MECR: variants seen among roughly 807,000 people sequenced by gnomAD.
MECR encodes mitochondrial trans-2-enoyl-CoA reductase.
A neutral mutation model predicts 49.1 loss-of-function variants in MECR; 37 were observed. That is an observed-to-expected ratio of 0.75 (90% CI 0.58 to 0.99). MECR has a LOEUF of 0.99. Ranked by LOEUF, MECR falls within the 50% of genes least tolerant of loss-of-function variation. The pLI is 0.00. For missense variants in MECR, 470 were observed against 479.6 expected, an observed-to-expected ratio of 0.98 and a Z score of 0.19; for synonymous variants, 198 against 191.1, an observed-to-expected ratio of 1.04 and a Z score of -0.30.
Position 29,216,674 on chromosome 1 carries a change from A to G in MECR, c.188T>C (p.Leu63Pro). Residue 63 changes from leucine to proline, a missense_variant, in exon 2 of 10, where the codon CTG (leucine) becomes CCG (proline). Physicochemically the swap from Leu to Pro is moderately conservative, Grantham distance 98. Coordinates refer to ENST00000263702, the MANE Select transcript of MECR (RefSeq NM_016011.5). ...DPAKVVELKN[L>P]ELAAVRGSDV... is the part of the protein sequence containing the mutation. ...TGATCCTCTCACAGCAGCTAGCTCC[A>G]GGTTCTTGAGTCTAAGCACAAAGCC... 1 of 1,614,232 alleles carries G rather than the reference A, an allele frequency of 6.2e-7. No individual in the cohort carries two copies. Among genetic ancestry groups the G allele is most frequent in the Non-Finnish European group, 8.5e-7 (1 of 1,180,042 alleles).
intron 9 of MECR, 30 bp downstream of exon 9, chr1:29,195,911 G>A: frequency 6.2e-7 from 1 of 1,611,852 alleles, no homozygotes; most frequent in Non-Finnish European, 8.5e-7. Context: ...GCCCTCATCT[G>A]TGACTCTTGG....
chr1:29,185,573 G>C, the MECR span, among the ~76,000 whole-genome samples: 5 of 152,118 alleles, frequency 3.3e-5, no homozygotes, highest in African/African-American at 1.2e-4. Context: ...GTGCCACCAC[G>C]CCCAGCTAAT....
chr1:29,176,509 A>T, the MECR span, among the ~76,000 whole-genome samples: 2 of 152,030 alleles, frequency 1.3e-5, no homozygotes, highest in African/African-American at 4.8e-5. Context: ...AAAAAGAAAA[A>T]AATACTGTAA....
intron 7 of MECR, among the ~76,000 whole-genome samples, chr1:29,199,916 TA>T (rs35183137): frequency 0.017 from 2,493 of 149,970 alleles, 27 homozygotes; most frequent in Middle Eastern, 0.083. Context: ...CCAGGTAACT[TA>T]AAAAAAAAAT....
intron 3 of MECR, among the ~76,000 whole-genome samples, chr1:29,208,688 T>C (rs1677205584): frequency 6.6e-6 from 1 of 152,210 alleles, no homozygotes; most frequent in African/African-American, 2.4e-5. Context: ...GAGTTGGAGC[T>C]GGAACCTGGG....
At chr1:29,176,184 G>A in the MECR span, among the ~76,000 whole-genome samples, 404 of 152,148 alleles carry the variant, frequency 2.7e-3, 1 homozygote, top group African/African-American at 6.9e-3. Flanking sequence ...CCCAAAAGGC[G>A]GAAGTTGCAG....
intron 1 of MECR, among the ~76,000 whole-genome samples, chr1:29,226,430 CTTCTG>C (rs2151919613): frequency 6.6e-6 from 1 of 152,262 alleles, no homozygotes; most frequent in East Asian, 1.9e-4. Context: ...TTCACCTTCT[CTTCTG>C]ACCTTTTTCC....
At chr1:29,188,213 G>A (rs1673066102), downstream of MECR, among the ~76,000 whole-genome samples, 1 of 150,200 alleles carries the variant, frequency 6.7e-6, no homozygotes, top group African/African-American at 2.4e-5. Flanking sequence ...TTTTTGAAAT[G>A]GAGTCTCACT....
chr1:29,173,263 A>C, the MECR span: 6 of 147,648 alleles, frequency 4.1e-5, no homozygotes, highest in African/African-American at 1.5e-4. Flanking sequence ...TCAACCTCCC[A>C]AGTAGCTGGG....
At chr1:29,213,913 T>C (rs1678660505) in intron 3 of MECR, among the ~76,000 whole-genome samples, 1 of 152,158 alleles carries the variant, frequency 6.6e-6, no homozygotes, top group Non-Finnish European at 1.5e-5. Context: ...GGCCAATAAA[T>C]ATTTGTTGGT....
At chr1:29,205,043 C>T (rs1359240472) in intron 4 of MECR, among the ~76,000 whole-genome samples, 1 of 152,194 alleles carries the variant, frequency 6.6e-6, no homozygotes, top group Non-Finnish European at 1.5e-5. Context: ...CTGCGGCTCA[C>T]GGATGTGCAT....
chr1:29,219,374 T>C (rs1279401349), intron 1 of MECR, among the ~76,000 whole-genome samples: 3 of 152,220 alleles, frequency 2.0e-5, no homozygotes, highest in Non-Finnish European at 4.4e-5. Flanking sequence ...ACATTTTCTA[T>C]ACGTTCTTCC....
chr1:29,227,275 G>A (rs1373490932), intron 1 of MECR, among the ~76,000 whole-genome samples: 1 of 152,024 alleles, frequency 6.6e-6, no homozygotes, highest in African/African-American at 2.4e-5. Flanking sequence ...TGGGTTTCTG[G>A]GAACTATCTG....
chr1:29,218,279 C>A (rs1679958568), intron 1 of MECR, among the ~76,000 whole-genome samples: 1 of 152,248 alleles, frequency 6.6e-6, no homozygotes, highest in African/African-American at 2.4e-5. Flanking sequence ...CCAGATACTA[C>A]TGGTCAGTGT....
At chr1:29,172,274 TTGG>T in the MECR span, 1 of 152,182 alleles carries the variant, frequency 6.6e-6, no homozygotes, top group East Asian at 1.9e-4. Flanking sequence ...TATTTTTCAC[TTGG>T]TAAATTAGCA....
intron 7 of MECR, among the ~76,000 whole-genome samples, chr1:29,196,574 G>C (rs575740307): frequency 6.6e-6 from 1 of 152,202 alleles, no homozygotes; most frequent in African/African-American, 2.4e-5. Flanking sequence ...TGTAGTCCCA[G>C]CTTCTCAGGA....
downstream of MECR, among the ~76,000 whole-genome samples, chr1:29,191,330 G>C (rs1006958585): frequency 9.2e-5 from 14 of 151,714 alleles, no homozygotes; most frequent in Non-Finnish European, 1.6e-4. Flanking sequence ...TTGAGACAGA[G>C]TCTCTCTCTC....
chr1:29,223,016 T>G (rs1365788485), intron 1 of MECR: 1 of 883,096 alleles, frequency 1.1e-6, no homozygotes, highest in African/African-American at 1.8e-5. Context: ...TGATAGCAAT[T>G]TCTTCCCTGT....
intron 3 of MECR, 21 bp downstream of exon 3, chr1:29,215,984 C>G (rs1574438425): frequency 6.2e-7 from 1 of 1,612,868 alleles, no homozygotes; most frequent in Non-Finnish European, 8.5e-7. Context: ...GAATAGGCAG[C>G]TGACACCTGG....
Sources: allele counts gnomAD v4.1 joint callset (sites outside exome capture counted in the v4.1 genomes callset), GRCh38; gene constraint gnomAD v4.1.1; transcripts MANE v1.5; gene names NCBI Gene and HGNC (gene_info 2026-07-23, HGNC 2026-07-21).